RXRA: variants seen among roughly 807,000 people sequenced by gnomAD.
RXRA encodes the protein retinoid X receptor alpha, also known as retinoic acid receptor RXR-alpha.
A neutral mutation model predicts 44.5 loss-of-function variants in RXRA; 5 were observed. That is an observed-to-expected ratio of 0.11 (90% CI 0.06 to 0.24). The LOEUF is 0.24. Ranked by LOEUF, RXRA falls within the 10% of genes least tolerant of loss-of-function variation. The probability of loss-of-function intolerance (pLI) is 1.00; values close to 1 mark genes in which losing one functional copy is unlikely to be tolerated. For synonymous variants in RXRA, 291 were observed against 271.4 expected (o/e 1.07, Z -0.71); for missense variants, 412 against 646.5 (o/e 0.64, Z 3.93).
At chr9:134,337,089 G>A (rs1830018775) in intron 1 of RXRA, among the ~76,000 whole-genome samples, 1 of 152,170 alleles carries the variant, frequency 6.6e-6, no homozygotes, top group Non-Finnish European at 1.5e-5. Context: ...TGTTGGAGAT[G>A]TGGCTGCCAC....
chr9:134,423,678 G>A, intron 6 of RXRA: 1 of 985,490 alleles, frequency 1.0e-6, no homozygotes, highest in Non-Finnish European at 1.2e-6. Context: ...GCATGTGGCT[G>A]TCTGCCGTTG....
intron 1 of RXRA, among the ~76,000 whole-genome samples, chr9:134,340,800 G>A (rs1362142068): frequency 6.6e-6 from 1 of 152,234 alleles, no homozygotes; most frequent in Non-Finnish European, 1.5e-5. Flanking sequence ...CAAGGAGCCT[G>A]TCTTCTGCGG....
At chr9:134,408,443 C>A in intron 3 of RXRA, 144 bp downstream of exon 3, 2 of 844,638 alleles carry the variant, frequency 2.4e-6, no homozygotes, top group Non-Finnish European at 3.5e-6. Context: ...GGGCCATGCC[C>A]CACTCCCAGG....
intron 1 of RXRA, among the ~76,000 whole-genome samples, chr9:134,388,061 C>T (rs1201098600): frequency 1.3e-5 from 2 of 152,154 alleles, no homozygotes; most frequent in Non-Finnish European, 2.9e-5. Flanking sequence ...AGAGAGGCCT[C>T]TTCAGCTCTT....
At chr9:134,395,779 C>T (rs1320414771) in intron 1 of RXRA, among the ~76,000 whole-genome samples, 1 of 152,260 alleles carries the variant, frequency 6.6e-6, no homozygotes, top group Non-Finnish European at 1.5e-5. Flanking sequence ...GCCTGGGTCT[C>T]TCCTAACTAT....
intron 1 of RXRA, among the ~76,000 whole-genome samples, chr9:134,386,053 C>T (rs892857069): frequency 1.3e-4 from 20 of 152,254 alleles, no homozygotes; most frequent in African/African-American, 4.8e-4. Flanking sequence ...GCCTTGTGGT[C>T]ACAGGTGTCT....
At chr9:134,428,612 C>A (rs185120720) in intron 6 of RXRA, among the ~76,000 whole-genome samples, 1 of 152,046 alleles carries the variant, frequency 6.6e-6, no homozygotes. Flanking sequence ...TGTTACCTAA[C>A]CTTCCCCCCT....
intron 1 of RXRA, chr9:134,380,172 G>A: frequency 1.0e-6 from 1 of 985,478 alleles, no homozygotes; most frequent in Non-Finnish European, 1.2e-6. Context: ...AGGTGCGTGT[G>A]TTGGGGGTGG....
At chr9:134,339,658 CCTGTGTGTGTGTGA>C (rs1830060014) in intron 1 of RXRA, among the ~76,000 whole-genome samples, 1 of 107,560 alleles carries the variant, frequency 9.3e-6, no homozygotes, top group African/African-American at 3.7e-5. Context: ...TGTGTGTGTG[CCTGTGTGTGTGTGA>C]GCCTGTGTGT....
At chr9:134,424,264 G>A in intron 6 of RXRA, 1 of 985,414 alleles carries the variant, frequency 1.0e-6, no homozygotes, top group African/African-American at 1.7e-5. Context: ...CTGGTGCCAT[G>A]AGTCCCCAGG....
intron 1 of RXRA, among the ~76,000 whole-genome samples, chr9:134,394,556 G>T (rs144103517): frequency 2.0e-5 from 3 of 152,240 alleles, no homozygotes; most frequent in Non-Finnish European, 1.5e-5. Flanking sequence ...GAGGTCTCTG[G>T]GGGAGGCCCG....
chr9:134,351,117 C>A (rs997691023), intron 1 of RXRA, among the ~76,000 whole-genome samples: 1 of 152,230 alleles, frequency 6.6e-6, no homozygotes, highest in African/African-American at 2.4e-5. Flanking sequence ...GGGGGCTGAG[C>A]CCTCTGAATG....
chr9:134,433,727 A>C lies in RXRA; in HGVS notation c.1136-375A>C, dbSNP rs1831569936. Among the ~76,000 whole-genome samples, 1 of 151,960 alleles carries C rather than the reference A, an allele frequency of 6.6e-6. No homozygotes were observed. Among genetic ancestry groups the C allele is most frequent in the Admixed American group, 6.5e-5 (1 of 15,274 alleles). On this transcript the variant is annotated intron_variant, in intron 8 of 9. Transcript: ENST00000481739. This position sits in a 1 kb window ranked among gnomAD's most constrained non-coding sequence, Gnocchi z 4.2. ...CATCCATGTTATGGGGCTGGGACCC[A>C]AGGGCAGCAGCAGCATCCATTGTCT...
At position 134,407,865 on chromosome 9, in the gene RXRA, G is replaced by A. The variant is rs898476129; in HGVS notation, c.280-284G>A. Among the ~76,000 whole-genome samples, 14 of 152,144 alleles carry A rather than the reference G, an allele frequency of 9.2e-5. No homozygotes were observed. Among genetic ancestry groups the A allele is most frequent in the South Asian group, 4.1e-4 (2 of 4,820 alleles). On this transcript the variant is annotated intron_variant, in intron 2 of 9. Transcript: ENST00000481739. This position sits in a 1 kb window ranked among gnomAD's most constrained non-coding sequence, Gnocchi z 4.8. ...GGGCAGGGGGTTGCAAGCAGGGACC[G>A]CCCATGTGTTGGGGGGGGTGTTGAA...
At chr9:134,378,539 G>A (rs147823784) in intron 1 of RXRA, among the ~76,000 whole-genome samples, 23 of 152,200 alleles carry the variant, frequency 1.5e-4, no homozygotes, top group Admixed American at 8.5e-4. Flanking sequence ...CCTGGGTGCC[G>A]AGGGAATAGG....
intron 2 of RXRA, chr9:134,404,842 C>CAG (rs1831023893): frequency 6.6e-6 from 1 of 152,394 alleles, no homozygotes; most frequent in African/African-American, 2.4e-5. Context: ...AGAGACCCTT[C>CAG]AGGGGCTCAG....
In RXRA at chr9:134,426,671, C is replaced by T. The variant is rs958012797; in HGVS notation, c.911-2437C>T. 3.6e-5 allele frequency: 35 copies of T among 985,410 alleles called. No homozygotes were observed. Among genetic ancestry groups the T allele is most frequent in the Non-Finnish European group, 4.0e-5 (33 of 829,928 alleles). 61.0% of individuals were successfully genotyped at this position (985,410 alleles called of 1,614,324 possible). A position where few individuals can be genotyped will look rare whatever the true frequency, so the allele number is the denominator to read the frequency against. On this transcript the variant is annotated intron_variant, in intron 6 of 9. Coordinates refer to ENST00000481739, the MANE Select transcript of RXRA (RefSeq NM_002957.6). The surrounding 1 kb of genome is among the most constrained non-coding windows in gnomAD (Gnocchi z 4.6). ...TTCAGAGGCGAGTCTACCCTGGTGC[C>T]TGCTGGGTGGCCTCAGGGGCTCTCG...
rs1481744531 is a variant in RXRA at position 134,437,327 on chromosome 9, G to C, written c.*713G>C. The C allele has an allele frequency of 6.5e-6, 1 of 152,792 alleles. No individual in the cohort carries two copies. Among genetic ancestry groups the C allele is most frequent in the Non-Finnish European group, 1.5e-5 (1 of 68,246 alleles). 9.5% of individuals were successfully genotyped at this position (152,792 alleles called of 1,614,324 possible). On this transcript the variant is annotated 3_prime_UTR_variant, in exon 10 of 10. Coordinates refer to ENST00000481739, the MANE Select transcript of RXRA (RefSeq NM_002957.6). Reference sequence around the variant, plus strand: ...TCGGGGCCACCTCCAGGCTGCAGGGGCGGGTCACTCACCCCCCTGTTTTCT... The same window carrying C: ...TCGGGGCCACCTCCAGGCTGCAGGGCCGGGTCACTCACCCCCCTGTTTTCT...
intron 4 of RXRA, among the ~76,000 whole-genome samples, chr9:134,412,421 T>A (rs908691404): frequency 1.3e-5 from 2 of 152,236 alleles, no homozygotes; most frequent in Admixed American, 6.5e-5. Context: ...GTCCCAGGGC[T>A]GGCTGAAGGC....
Sources: allele counts gnomAD v4.1 joint callset (sites outside exome capture counted in the v4.1 genomes callset), GRCh38; gene constraint gnomAD v4.1.1; non-coding constraint Gnocchi (gnomAD v3.1); transcripts MANE v1.5; gene names NCBI Gene and HGNC (gene_info 2026-07-23, HGNC 2026-07-21).